Variants in PTPRD observed in about 807,000 individuals in gnomAD.
PTPRD encodes the protein protein tyrosine phosphatase receptor type D.
Under a neutral mutation model 214.5 loss-of-function variants are expected in PTPRD, and 34 were observed. That is an observed-to-expected ratio of 0.16 (90% CI 0.12 to 0.21). The LOEUF is 0.21. Ranked by LOEUF, PTPRD falls within the 10% of genes least tolerant of loss-of-function variation. The probability of loss-of-function intolerance (pLI) is 1.00; values close to 1 mark genes in which losing one functional copy is unlikely to be tolerated. For synonymous variants in PTPRD, 1,128 were observed against 845.7 expected, an observed-to-expected ratio of 1.33 and a Z score of -5.79; for missense variants, 2,545 against 2,398.7, an observed-to-expected ratio of 1.06 and a Z score of -1.27.
chr9:9,240,309 T>C (rs1251042481), intron 9 of PTPRD, among the ~76,000 whole-genome samples: 6 of 152,214 alleles, frequency 3.9e-5, no homozygotes, highest in African/African-American at 1.4e-4. Flanking sequence ...TTAAACTATA[T>C]ATATTTTGAC....
At chr9:8,966,121 T>C (rs147706673) in intron 11 of PTPRD, among the ~76,000 whole-genome samples, 174 of 152,076 alleles carry the variant, frequency 1.1e-3, no homozygotes, top group African/African-American at 4.0e-3. Context: ...CTAAAAGGCA[T>C]CATAAATGAC....
intron 5 of PTPRD, among the ~76,000 whole-genome samples, chr9:9,782,303 A>G (rs1746793): frequency 0.5 from 75,980 of 151,984 alleles, 20,156 homozygotes; most frequent in East Asian, 0.72. Flanking sequence ...AATTTAAATT[A>G]TAATTTAAAA....
intron 10 of PTPRD, among the ~76,000 whole-genome samples, chr9:9,096,871 A>G (rs1213387540): frequency 6.6e-6 from 1 of 152,210 alleles, no homozygotes; most frequent in Admixed American, 6.5e-5. Flanking sequence ...TCACTGTAAG[A>G]TGATATCTGA....
At chr9:8,948,563 TTA>T (rs1226681796) in intron 11 of PTPRD, among the ~76,000 whole-genome samples, 6 of 86,394 alleles carry the variant, frequency 6.9e-5, no homozygotes, top group African/African-American at 2.2e-4. Flanking sequence ...TTATATATAT[TTA>T]TATATATATA....
intron 5 of PTPRD, among the ~76,000 whole-genome samples, chr9:9,872,663 T>C (rs188200405): frequency 5.9e-5 from 9 of 152,184 alleles, no homozygotes; most frequent in Admixed American, 6.5e-5. Flanking sequence ...TTACATGAGA[T>C]AGATACACTT....
chr9:10,073,518 C>T (rs1016311560), intron 3 of PTPRD, among the ~76,000 whole-genome samples: 7 of 151,962 alleles, frequency 4.6e-5, no homozygotes, highest in African/African-American at 1.7e-4. Context: ...TTAAATAAAT[C>T]CCAGTAAGCA....
At chr9:9,025,480 T>G (rs1347101745) in intron 10 of PTPRD, among the ~76,000 whole-genome samples, 1 of 152,028 alleles carries the variant, frequency 6.6e-6, no homozygotes, top group Non-Finnish European at 1.5e-5. Flanking sequence ...ACTTAGACAT[T>G]CTTATTCCCT....
Position 8,386,520 on chromosome 9 carries a change from G to C in PTPRD, c.4386+2712C>G, listed in dbSNP as rs190863174. On this transcript the variant is annotated intron_variant, in intron 37 of 45. Coordinates refer to ENST00000381196, the MANE Select transcript of PTPRD (RefSeq NM_002839.4). ...ATTTCAAGCTTCAGCTCTTGGAGAG[G>C]TAATTTGTTTACGTTACCTGGACTA... 7.2e-5 allele frequency among the ~76,000 whole-genome samples: 11 copies of C among 152,256 alleles called. No individual in the cohort carries two copies. The East Asian group carries it at 2.1e-3, about 29-fold the overall frequency.
At chr9:9,771,305 C>A (rs1365200708) in intron 5 of PTPRD, among the ~76,000 whole-genome samples, 1 of 152,104 alleles carries the variant, frequency 6.6e-6, no homozygotes, top group African/African-American at 2.4e-5. Flanking sequence ...TTAACACATT[C>A]ATAAGTGTGT....
rs189580204 is a variant in PTPRD, at chr9:9,223,284, C to G, written c.-202-39921G>C. On this transcript the variant is annotated intron_variant, in intron 9 of 45. Transcript: ENST00000381196. Reference sequence around the variant, plus strand: ...TACAGCATAAGGCACAATGTCTAATCTCTCAGAAGTGTGATTATTTCATGA... The same window carrying G: ...TACAGCATAAGGCACAATGTCTAATGTCTCAGAAGTGTGATTATTTCATGA... Among the ~76,000 whole-genome samples, 29 of 152,046 alleles carry G rather than the reference C, an allele frequency of 1.9e-4. No individual in the cohort carries two copies. The East Asian group carries it at 3.3e-3, about 17-fold the overall frequency.
intron 4 of PTPRD, among the ~76,000 whole-genome samples, chr9:9,980,885 C>A (rs1035493491): frequency 6.6e-6 from 1 of 151,652 alleles, no homozygotes; most frequent in African/African-American, 2.4e-5. Context: ...CTAATTTAAC[C>A]ATGTTACATT....
intron 3 of PTPRD, among the ~76,000 whole-genome samples, chr9:10,040,376 G>A (rs1414003355): frequency 1.3e-5 from 2 of 151,952 alleles, no homozygotes; most frequent in African/African-American, 2.4e-5. Context: ...ACCTAATAAG[G>A]GGTACGAGGA....
chr9:8,450,365 T>A (rs1163643633), intron 33 of PTPRD, among the ~76,000 whole-genome samples: 2 of 152,104 alleles, frequency 1.3e-5, no homozygotes, highest in African/African-American at 4.8e-5. Context: ...ATTTTTAAGA[T>A]GCCAAGTTAT....
chr9:10,042,324 A>C (rs1351030780), intron 3 of PTPRD, among the ~76,000 whole-genome samples: 2 of 151,968 alleles, frequency 1.3e-5, no homozygotes, highest in Non-Finnish European at 2.9e-5. Flanking sequence ...GAAGACTCAG[A>C]GATGAATCCT....
At chr9:8,948,443 A>ATATATT (rs1567181753) in intron 11 of PTPRD, among the ~76,000 whole-genome samples, 2 of 32,000 alleles carry the variant, frequency 6.3e-5, no homozygotes, top group African/African-American at 2.1e-4. Flanking sequence ...ATATTTACAT[A>ATATATT]TATATATATT....
At chr9:9,716,857 A>G (rs2097844695) in intron 7 of PTPRD, among the ~76,000 whole-genome samples, 1 of 151,726 alleles carries the variant, frequency 6.6e-6, no homozygotes, top group Non-Finnish European at 1.5e-5. Context: ...TAGTTTAATG[A>G]GATCCCATTT....
At chr9:8,820,385 C>T (rs1239205473) in intron 11 of PTPRD, among the ~76,000 whole-genome samples, 2 of 152,006 alleles carry the variant, frequency 1.3e-5, no homozygotes, top group East Asian at 3.9e-4. Flanking sequence ...TCTCTGCTCT[C>T]ATAACAGCTT....
chr9:10,240,001 AG>A (rs2099642069), intron 3 of PTPRD, among the ~76,000 whole-genome samples: 1 of 151,938 alleles, frequency 6.6e-6, no homozygotes, highest in Non-Finnish European at 1.5e-5. Context: ...TTCATTCCAG[AG>A]GGTCCTACCC....
chr9:9,005,207 T>TTCTA (rs2099455483), intron 11 of PTPRD, among the ~76,000 whole-genome samples: 1 of 152,056 alleles, frequency 6.6e-6, no homozygotes, highest in Admixed American at 6.6e-5. Flanking sequence ...ATTGACAACT[T>TTCTA]TCTATCTGAT....
Sources: gnomAD v4.1 joint callset for allele counts (sites outside exome capture counted in the v4.1 genomes callset) on GRCh38, gnomAD v4.1.1 for gene constraint, MANE v1.5 for transcripts, NCBI Gene and HGNC (gene_info 2026-07-23, HGNC 2026-07-21) for gene names.